The following PDCD11 variants were observed in gnomAD, a reference collection of about 807,000 sequenced individuals.
PDCD11 encodes programmed cell death 11.
PDCD11 carries 97 observed loss-of-function variants against 198.9 expected under a neutral mutation model. The ratio of observed to expected loss-of-function variants is 0.49; its 90% CI spans 0.41 to 0.58. The LOEUF (loss-of-function observed/expected upper bound fraction) is 0.58, where lower values mean the gene tolerates loss of function less well. Ranked by LOEUF, PDCD11 falls within the 20% of genes least tolerant of loss-of-function variation. The pLI is 0.00. For missense variants in PDCD11, 2,102 were observed against 2,312.7 expected (o/e 0.91, Z 1.87); for synonymous variants, 893 against 918.0 (o/e 0.97, Z 0.49).
At position 103,414,739 on chromosome 10, in the gene PDCD11, A is replaced by G. The variant is rs1296184389; in HGVS notation, c.1372-266A>G. Among the ~76,000 whole-genome samples, 4 of 152,230 alleles carry G rather than the reference A, an allele frequency of 2.6e-5. No homozygotes were observed. The East Asian group carries it at 7.7e-4, about 29-fold the overall frequency. On this transcript the variant is annotated intron_variant, in intron 11 of 35. Transcript: ENST00000369797. ...AGTTTATTCCTTAGGAGACCTTGAC[A>G]TAGTCCCTTCCTTTGGGGAATGTAT...
At chr10:103,435,014 A>G in intron 25 of PDCD11, 39 bp downstream of exon 25, 1 of 1,375,280 alleles carries the variant, frequency 7.3e-7, no homozygotes, top group Non-Finnish European at 9.6e-7. Flanking sequence ...CTGTCTGTGG[A>G]ATTGGTATAT....
chr10:103,437,967 C>G, intron 25 of PDCD11, 48 bp from the exon 26 acceptor site: 2 of 1,529,558 alleles, frequency 1.3e-6, no homozygotes, highest in Non-Finnish European at 1.8e-6. Flanking sequence ...CTTTGCTGTT[C>G]ACAGATGCTG....
At chr10:103,400,656 CGT>C in intron 3 of PDCD11, 128 bp downstream of exon 3, 27 of 925,310 alleles carry the variant, frequency 2.9e-5, no homozygotes, top group Middle Eastern at 3.5e-4. Flanking sequence ...ATATTTCATG[CGT>C]GTGTGTGTAG....
At chr10:103,420,887 T>G (rs572802422) in intron 16 of PDCD11, among the ~76,000 whole-genome samples, 46 of 151,798 alleles carry the variant, frequency 3.0e-4, no homozygotes, top group South Asian at 6.3e-4. Context: ...TTTTGTTTTT[T>G]TTTTTTGAGA....
chr10:103,422,857 A>G, intron 17 of PDCD11, 131 bp from the exon 18 acceptor site: 1 of 838,016 alleles, frequency 1.2e-6, no homozygotes, highest in Non-Finnish European at 1.7e-6. Context: ...CATTTTTGCA[A>G]AAAGTGATTT....
Position 103,423,952 on chromosome 10 carries a change from C to T in PDCD11, c.2763+294C>T, listed in dbSNP as rs185077464. Reference sequence around the variant, plus strand: ...GGGAGTGGCTGGCCTGGGACTCTGACGAGCTGGAGAGTGCATGCCCAGCCC... The same window carrying T: ...GGGAGTGGCTGGCCTGGGACTCTGATGAGCTGGAGAGTGCATGCCCAGCCC... On this transcript the variant is annotated intron_variant, in intron 19 of 35. Transcript: ENST00000369797. Among the ~76,000 whole-genome samples the T allele has an allele frequency of 1.4e-3, 218 of 152,238 alleles. 4 individuals are homozygous for T. Among genetic ancestry groups the T allele is most frequent in the East Asian group, 0.012 (63 of 5,178 alleles).
intron 3 of PDCD11, among the ~76,000 whole-genome samples, 192 bp downstream of exon 3, chr10:103,400,720 A>G (rs1592109360): frequency 6.6e-6 from 1 of 152,026 alleles, no homozygotes; most frequent in South Asian, 2.1e-4. Flanking sequence ...TCCATTGCTA[A>G]CCGATGCCAG....
At chr10:103,422,899 C>T in intron 17 of PDCD11, 89 bp from the exon 18 acceptor site, 1 of 1,237,916 alleles carries the variant, frequency 8.1e-7, no homozygotes, top group South Asian at 2.4e-5. Flanking sequence ...GCTCCACTGT[C>T]CTCCGTGGTG....
Position 103,444,524 on chromosome 10 carries a change from T to C in PDCD11, c.5286T>C (p.Asp1762=). 3.7e-6 allele frequency: 6 copies of C among 1,614,148 alleles called. No homozygotes were observed. Among genetic ancestry groups the C allele is most frequent in the Non-Finnish European group, 5.1e-6 (6 of 1,180,016 alleles). Residue 1762 remains aspartate, a synonymous_variant, in exon 35 of 36, where the codon GAT becomes GAC. Coordinates refer to ENST00000369797, the MANE Select transcript of PDCD11 (RefSeq NM_014976.2). The stretch of plus-strand genomic sequence containing the variant: ...GCAGTCCTCTCCCTGCAGATGTGGA[T>C]GTCATTGCCAAGTTTGCCCAGCTTG... ...LECLPSKEHV[D]VIAKFAQLEF... is the part of the protein sequence containing the mutation.
intron 28 of PDCD11, 52 bp downstream of exon 28, chr10:103,439,920 C>G (rs1268366726): frequency 1.2e-6 from 2 of 1,607,204 alleles, no homozygotes; most frequent in Non-Finnish European, 1.7e-6. Flanking sequence ...AAACCCCTTT[C>G]TCCAGGAGCC....
chr10:103,445,585 G>A lies in PDCD11; in HGVS notation c.*36G>A. ...GCTCTGTGGGACACTGTCAACAATG[G>A]GCCAGCCCGGCCCCGCCTCGAGTGC... On this transcript the variant is annotated 3_prime_UTR_variant, in exon 36 of 36. Transcript: ENST00000369797. The A allele has an allele frequency of 6.3e-7, 1 of 1,582,726 alleles. No individual in the cohort carries two copies. Among genetic ancestry groups the A allele is most frequent in the South Asian group, 1.1e-5 (1 of 89,104 alleles).
rs549742202 is a variant in PDCD11 at position 103,406,543 on chromosome 10, G to T, written c.689-66G>T. 4 of 1,445,296 alleles carry T rather than the reference G, an allele frequency of 2.8e-6. No homozygotes were observed. The East Asian group carries it at 9.2e-5, about 33-fold the overall frequency. 89.5% of individuals were successfully genotyped at this position (1,445,296 alleles called of 1,614,324 possible). A position where few individuals can be genotyped will look rare whatever the true frequency, so the allele number is the denominator to read the frequency against. On this transcript the variant is annotated intron_variant, in intron 6 of 35. Transcript: ENST00000369797. ...CATGGGTCTTTTCAGGTATTACTTG[G>T]GCCCACGTTAAAAGTCCTTCTCATA...
In PDCD11 at chr10:103,442,282, G is replaced by A. The variant is rs1328743220; in HGVS notation, c.4777G>A (p.Glu1593Lys). Residue 1593 changes from glutamate to lysine, a missense_variant, in exon 32 of 36, where the codon GAG (glutamate) becomes AAG (lysine). Coordinates refer to ENST00000369797, the MANE Select transcript of PDCD11 (RefSeq NM_014976.2). ...AGAGAAGGAACTGTCCCGCATTGAG[G>A]AGGCGCTGATGGATCCTGGGCGGCA... Reference protein sequence around the residue: ...KAEKELSRIEEALMDPGRQPE... With the variant: ...KAEKELSRIEKALMDPGRQPE... 6.2e-7 allele frequency: 1 copy of A among 1,614,130 alleles called. No homozygotes were observed. Among genetic ancestry groups the A allele is most frequent in the Admixed American group, 1.7e-5 (1 of 60,016 alleles).
intron 7 of PDCD11, among the ~76,000 whole-genome samples, chr10:103,409,036 A>G (rs2030634319): frequency 6.6e-6 from 1 of 152,252 alleles, no homozygotes; most frequent in Non-Finnish European, 1.5e-5. Flanking sequence ...TTTACATGAT[A>G]TTTAGAATTT....
chr10:103,400,473 A>G lies in PDCD11; in HGVS notation c.179A>G (p.Glu60Gly), dbSNP rs2029961462. ...GPAKTKKLKI[E>G]KRESSKSARE... ...GCAAAAACAAAAAAGTTGAAAATCGAAAAGAGAGAAAGCAGCAAGTCCGCA... is the reference window on the plus strand; with the variant it reads ...GCAAAAACAAAAAAGTTGAAAATCGGAAAGAGAGAAAGCAGCAAGTCCGCA... Residue 60 changes from glutamate to glycine, a missense_variant, in exon 3 of 36, where the codon GAA (glutamate) becomes GGA (glycine). Coordinates refer to ENST00000369797, the MANE Select transcript of PDCD11 (RefSeq NM_014976.2). 6.2e-7 allele frequency: 1 copy of G among 1,614,002 alleles called. No homozygotes were observed. The highest frequency in any genetic ancestry group is 1.3e-5 in the African/African-American group (1 of 74,928).
Position 103,445,953 on chromosome 10 carries a change from C to A in PDCD11, c.*404C>A. 5.6e-6 allele frequency: 1 copy of A among 177,638 alleles called. No homozygotes were observed. Among genetic ancestry groups the A allele is most frequent in the Admixed American group, 5.4e-5 (1 of 18,386 alleles). 11.0% of individuals were successfully genotyped at this position (177,638 alleles called of 1,614,324 possible). On this transcript the variant is annotated 3_prime_UTR_variant, in exon 36 of 36. Coordinates refer to ENST00000369797, the MANE Select transcript of PDCD11 (RefSeq NM_014976.2). ...TCCAGCTGGAGGGGGTCAGTAGGCT[C>A]CAGGGAGTGGGCCCTCCCCTCCGAT...
In PDCD11 at chr10:103,440,576, G is replaced by A. The variant is rs770959118; in HGVS notation, c.4435G>A (p.Glu1479Lys). 3 of 1,610,872 alleles carry A rather than the reference G, an allele frequency of 1.9e-6. No individual in the cohort carries two copies. The highest frequency in any genetic ancestry group is 2.5e-6 in the Non-Finnish European group (3 of 1,179,382). The change falls in exon 29 of 36, where the codon GAG becomes AAG. Residue 1479 changes from glutamate (E) to lysine (K), a missense_variant. Glu to Lys is a moderately conservative substitution (Grantham distance 56). Coordinates refer to ENST00000369797, the MANE Select transcript of PDCD11 (RefSeq NM_014976.2). ...GGRECRESGS[E>K]QERVSKKPKK... ...GCGGGAGTGCCGGGAGTCTGGGAGT[G>A]AGCAGGTGAGGTCCTGCGGAGGGCT...
chr10:103,409,429 T>C (rs372978098), intron 7 of PDCD11, among the ~76,000 whole-genome samples: 4 of 152,258 alleles, frequency 2.6e-5, no homozygotes, highest in African/African-American at 9.6e-5. Context: ...CAAAGCTTCT[T>C]CCATTCCATG....
chr10:103,421,973 CAAAAAAAAAAA>C lies in PDCD11; in HGVS notation c.2497+415_2497+425del, dbSNP rs964087668. 3.8e-4 allele frequency among the ~76,000 whole-genome samples: 10 copies of C among 26,184 alleles called. No individual in the cohort carries two copies. The South Asian group carries it at 6.1e-3, about 16-fold the overall frequency. The allele number at this position is 26,184 out of a possible 152,430, so 17.2% of individuals were successfully genotyped here. On this transcript the variant is annotated intron_variant, in intron 17 of 35. Coordinates refer to ENST00000369797, the MANE Select transcript of PDCD11 (RefSeq NM_014976.2). ...TGGGTGACAGAGTGAGACTCCGTCT[CAAAAAAAAAAA>C]AAAAAAAAGAAAAAAAAAATTGGGT...
Sources: gnomAD v4.1 joint callset for allele counts (sites outside exome capture counted in the v4.1 genomes callset) on GRCh38, gnomAD v4.1.1 for gene constraint, MANE v1.5 for transcripts, NCBI Gene and HGNC (gene_info 2026-07-23, HGNC 2026-07-21) for gene names.